SH3D19: variants seen among roughly 807,000 people sequenced by gnomAD.
The protein encoded by SH3D19 is SH3 domain containing 19.
In SH3D19, 58 loss-of-function variants were observed where a neutral mutation model predicts 112.1. The ratio of observed to expected loss-of-function variants is 0.52; its 90% CI spans 0.42 to 0.64. The LOEUF (loss-of-function observed/expected upper bound fraction) is 0.64. Among genes scored for constraint, SH3D19 ranks in the 30% least tolerant of loss-of-function variants. SH3D19 has a pLI of 0.00. For synonymous variants in SH3D19, 391 were observed against 448.5 expected (o/e 0.87, Z 1.62); for missense variants, 1,090 against 1,263.4 (o/e 0.86, Z 2.08).
At chr4:151,250,965 A>G (rs944104048) in intron 1 of SH3D19, among the ~76,000 whole-genome samples, 1 of 152,114 alleles carries the variant, frequency 6.6e-6, no homozygotes, top group Non-Finnish European at 1.5e-5. Context: ...TCTGGCAGGG[A>G]GGGAGGGCAC....
rs377348127 is a variant in SH3D19, at chr4:151,165,662, T to G, written c.1569A>C (p.Ile523=). ...GTGCTGGTTGAACTGCTCGTTCTTTTATTGGTTCTGTTTTTGCAGGGAGCT... is the reference window on the plus strand; with the variant it reads ...GTGCTGGTTGAACTGCTCGTTCTTTGATTGGTTCTGTTTTTGCAGGGAGCT... ...PFQLPAKTEP[I]KERAVQPAPT... is the part of the protein sequence containing the mutation. The change falls in exon 8 of 20, where the codon ATA becomes ATC. Residue 523 remains isoleucine (I), a synonymous_variant. Coordinates refer to ENST00000604030, the MANE Select transcript of SH3D19 (RefSeq NM_001378122.1). 1.6e-4 allele frequency: 254 copies of G among 1,614,096 alleles called. No individual in the cohort carries two copies. Among genetic ancestry groups the G allele is most frequent in the Non-Finnish European group, 2.0e-4 (239 of 1,180,044 alleles).
intron 12 of SH3D19, among the ~76,000 whole-genome samples, chr4:151,141,327 C>T (rs1301876445): frequency 2.6e-5 from 4 of 152,212 alleles, no homozygotes; most frequent in East Asian, 1.9e-4. Context: ...GGTCTCGCCA[C>T]GTTGCCCAGG....
intron 2 of SH3D19, among the ~76,000 whole-genome samples, chr4:151,210,652 C>T (rs6838301): frequency 0.82 from 124,120 of 152,078 alleles, 52,763 homozygotes; most frequent in Non-Finnish European, 0.95. Flanking sequence ...CCGCCTGCCT[C>T]GGCTTCCCAA....
chr4:151,325,171 G>T, intron 1 of SH3D19, 70 bp downstream of exon 1: 1 of 862,064 alleles, frequency 1.2e-6, no homozygotes. Context: ...CCGCTGTGTG[G>T]GGCAGGACCC....
chr4:151,293,594 C>A (rs1775507261), intron 1 of SH3D19, among the ~76,000 whole-genome samples: 1 of 152,196 alleles, frequency 6.6e-6, no homozygotes, highest in Admixed American at 6.5e-5. Flanking sequence ...ATTTCCACAT[C>A]CTTTCTTATG....
At position 151,121,363 on chromosome 4, in the gene SH3D19, T is replaced by A. The variant is rs1273018311; in HGVS notation, c.*728A>T. The A allele has an allele frequency of 6.6e-6, 1 of 152,478 alleles. No homozygotes were observed. The highest frequency in any genetic ancestry group is 1.5e-5 in the Non-Finnish European group (1 of 68,012). 9.4% of individuals were successfully genotyped at this position (152,478 alleles called of 1,614,324 possible). A position where few individuals can be genotyped will look rare whatever the true frequency, so the allele number is the denominator to read the frequency against. On this transcript the variant is annotated 3_prime_UTR_variant, in exon 20 of 20. Transcript: ENST00000604030. Reference sequence around the variant, plus strand: ...ATAAAGTATACACTGAGGAAAAAAATAAGTATGGCACATATATGGAAGGAT... The same window carrying A: ...ATAAAGTATACACTGAGGAAAAAAAAAAGTATGGCACATATATGGAAGGAT...
intron 1 of SH3D19, among the ~76,000 whole-genome samples, chr4:151,269,356 G>A (rs916723425): frequency 2.6e-5 from 4 of 152,118 alleles, no homozygotes; most frequent in Non-Finnish European, 5.9e-5. Flanking sequence ...TTTGTCAGAT[G>A]AGTAGGTTGC....
At chr4:151,279,240 A>ATT (rs34523834) in intron 1 of SH3D19, 1,259 of 206,584 alleles carry the variant, frequency 6.1e-3, no homozygotes, top group Non-Finnish European at 9.6e-3. Flanking sequence ...TTCTTTTTCA[A>ATT]TTTTTTTTTT....
At chr4:151,166,317 C>A (rs1420283855) in intron 7 of SH3D19, 1 of 152,158 alleles carries the variant, frequency 6.6e-6, no homozygotes, top group Admixed American at 6.5e-5. Flanking sequence ...TCCATCTTAA[C>A]CGATTTATTA....
intron 1 of SH3D19, among the ~76,000 whole-genome samples, chr4:151,252,983 C>T (rs549386769): frequency 1.5e-4 from 23 of 152,328 alleles, no homozygotes; most frequent in African/African-American, 5.3e-4. Flanking sequence ...CCACCATCAC[C>T]TCCTGCCCAG....
Position 151,225,356 on chromosome 4 carries a change from G to A in SH3D19, c.152+691C>T, listed in dbSNP as rs145130851. The stretch of plus-strand genomic sequence containing the variant: ...ATATTAAATATAGCCTGTCAGTCCT[G>A]CCTATGAGAAGTCAGACAATTTTTC... On this transcript the variant is annotated intron_variant, in intron 2 of 19. Coordinates refer to ENST00000604030, the MANE Select transcript of SH3D19 (RefSeq NM_001378122.1). Among the ~76,000 whole-genome samples the A allele has an allele frequency of 7.7e-4, 118 of 152,278 alleles. 1 individual carries two copies. In the East Asian group the frequency reaches 0.019, roughly 25 times the overall value.
chr4:151,313,043 C>T (rs1213817812), intron 1 of SH3D19, among the ~76,000 whole-genome samples: 1 of 148,642 alleles, frequency 6.7e-6, no homozygotes, highest in Non-Finnish European at 1.5e-5. Flanking sequence ...GAGCCGGGAT[C>T]ATGTCACTGT....
At chr4:151,294,190 G>A (rs1360347910) in intron 1 of SH3D19, among the ~76,000 whole-genome samples, 6 of 152,066 alleles carry the variant, frequency 3.9e-5, no homozygotes, top group Non-Finnish European at 7.4e-5. Flanking sequence ...ATAATTTGTT[G>A]AAAAAAATCA....
At chr4:151,139,309 C>T (rs906819746) in intron 13 of SH3D19, among the ~76,000 whole-genome samples, 17 of 152,098 alleles carry the variant, frequency 1.1e-4, no homozygotes, top group Middle Eastern at 3.4e-3. Context: ...CCCGCCACTA[C>T]GCCCGGCTAA....
intron 1 of SH3D19, among the ~76,000 whole-genome samples, chr4:151,230,584 G>A (rs1013538066): frequency 1.3e-5 from 2 of 151,056 alleles, no homozygotes; most frequent in African/African-American, 2.4e-5. Context: ...GTAAGAAGTG[G>A]TTTAAAGTGA....
chr4:151,192,450 C>G (rs982742683), intron 2 of SH3D19, among the ~76,000 whole-genome samples: 2 of 152,108 alleles, frequency 1.3e-5, no homozygotes, highest in African/African-American at 2.4e-5. Flanking sequence ...AATTTCCTAC[C>G]CATTTTCCAA....
At chr4:151,196,088 A>T (rs1172406026) in intron 2 of SH3D19, among the ~76,000 whole-genome samples, 1 of 152,196 alleles carries the variant, frequency 6.6e-6, no homozygotes. Context: ...GGCAGGGGAC[A>T]CTGCCTGGCA....
chr4:151,151,005 G>A (rs1754975441), intron 9 of SH3D19, among the ~76,000 whole-genome samples: 1 of 142,476 alleles, frequency 7.0e-6, no homozygotes, highest in Non-Finnish European at 1.5e-5. Flanking sequence ...CTGTCCCCCA[G>A]GCTGGAGTGC....
intron 11 of SH3D19, among the ~76,000 whole-genome samples, chr4:151,144,706 T>C (rs773249717): frequency 3.9e-5 from 6 of 152,212 alleles, no homozygotes; most frequent in Non-Finnish European, 7.3e-5. Flanking sequence ...ACTGCCTGCC[T>C]GTTTCCATAG....
Sources: allele counts gnomAD v4.1 joint callset (sites outside exome capture counted in the v4.1 genomes callset), GRCh38; gene constraint gnomAD v4.1.1; transcripts MANE v1.5; gene names NCBI Gene and HGNC (gene_info 2026-07-23, HGNC 2026-07-21).